Variants in FAM222B observed in about 807,000 individuals in gnomAD.
The protein encoded by FAM222B is protein FAM222B.
In FAM222B, 12 loss-of-function variants were observed where a neutral mutation model predicts 38.0. The ratio of observed to expected loss-of-function variants is 0.32; its 90% CI spans 0.20 to 0.51. FAM222B has a LOEUF of 0.51. Ranked by LOEUF, FAM222B falls within the 20% of genes least tolerant of loss-of-function variation. FAM222B has a pLI of 0.97. For missense variants in FAM222B, 716 were observed against 754.2 expected (o/e 0.95, Z 0.59); for synonymous variants, 329 against 317.2 (o/e 1.04, Z -0.40).
At chr17:28,783,531 T>A (rs924193691) in intron 1 of FAM222B, among the ~76,000 whole-genome samples, 17 of 147,894 alleles carry the variant, frequency 1.1e-4, no homozygotes, top group African/African-American at 3.7e-4. Flanking sequence ...TTTTTTTTTT[T>A]AAACAAAGTC....
intron 1 of FAM222B, among the ~76,000 whole-genome samples, chr17:28,840,209 A>C (rs1319539184): frequency 1.3e-5 from 2 of 151,952 alleles, no homozygotes; most frequent in Non-Finnish European, 2.9e-5. Flanking sequence ...TCTACTAAAA[A>C]TACAAAAACT....
At chr17:28,819,548 A>T (rs921292985) in intron 1 of FAM222B, among the ~76,000 whole-genome samples, 4 of 152,200 alleles carry the variant, frequency 2.6e-5, no homozygotes, top group African/African-American at 9.6e-5. Flanking sequence ...AATGATAAAG[A>T]TGTCAAGCAT....
upstream of FAM222B, among the ~76,000 whole-genome samples, chr17:28,846,625 T>C (rs1008100389): frequency 6.6e-6 from 1 of 151,432 alleles, no homozygotes; most frequent in Non-Finnish European, 1.5e-5. Context: ...GATTCAACCA[T>C]TGCACTCCAG....
chr17:28,808,818 G>C (rs1418204418), intron 1 of FAM222B, among the ~76,000 whole-genome samples: 1 of 152,158 alleles, frequency 6.6e-6, no homozygotes, highest in East Asian at 1.9e-4. Context: ...AGCATTCTCA[G>C]AGTCTCCTGT....
intron 1 of FAM222B, among the ~76,000 whole-genome samples, chr17:28,806,545 C>T (rs927041571): frequency 1.3e-5 from 2 of 152,096 alleles, no homozygotes; most frequent in African/African-American, 2.4e-5. Flanking sequence ...TGCTTGAGTC[C>T]GGGAGTTCAA....
chr17:28,804,304 C>T (rs995596147), intron 1 of FAM222B, among the ~76,000 whole-genome samples: 1 of 152,092 alleles, frequency 6.6e-6, no homozygotes, highest in African/African-American at 2.4e-5. Flanking sequence ...ATATATTTAC[C>T]CTACTGGTTG....
chr17:28,798,357 G>A (rs544471182), intron 1 of FAM222B, among the ~76,000 whole-genome samples: 5 of 152,072 alleles, frequency 3.3e-5, no homozygotes, highest in African/African-American at 9.6e-5. Context: ...ACTCCAGCCC[G>A]GGCAAACAGA....
At chr17:28,812,899 CTCTAG>C (rs1326591166) in intron 1 of FAM222B, among the ~76,000 whole-genome samples, 2 of 150,942 alleles carry the variant, frequency 1.3e-5, no homozygotes, top group African/African-American at 2.4e-5. Flanking sequence ...GCCTCTCTGC[CTCTAG>C]TCTAATCAAC....
chr17:28,828,095 ATTTTTTT>A (rs528492764), intron 1 of FAM222B, among the ~76,000 whole-genome samples: 109 of 74,682 alleles, frequency 1.5e-3, no homozygotes, highest in African/African-American at 6.3e-3. Flanking sequence ...ATCAAATCCA[ATTTTTTT>A]TTTTTTTTTT....
chr17:28,786,467 T>C (rs911464747), intron 1 of FAM222B, among the ~76,000 whole-genome samples: 1 of 152,178 alleles, frequency 6.6e-6, no homozygotes, highest in Non-Finnish European at 1.5e-5. Flanking sequence ...TAGTTACCTC[T>C]CATTCTCAAG....
At chr17:28,836,421 G>A (rs2038847936) in intron 1 of FAM222B, among the ~76,000 whole-genome samples, 1 of 152,000 alleles carries the variant, frequency 6.6e-6, no homozygotes, top group African/African-American at 2.4e-5. Flanking sequence ...AGGCGGGCTT[G>A]TAGCAGGACA....
Position 28,758,510 on chromosome 17 carries a change from T to C in FAM222B, c.1449A>G (p.Ala483=), listed in dbSNP as rs1597828512. ...CGGGAGCTGCCGCACAGTCGAGGGGTGCACCTGTGGGCTGCCCACCGTGGA... is the reference window on the plus strand; with the variant it reads ...CGGGAGCTGCCGCACAGTCGAGGGGCGCACCTGTGGGCTGCCCACCGTGGA... The part of the protein sequence containing the change: ...MPFHGGQPTG[A]PLDCAAAPGA... Residue 483 remains alanine (A), a synonymous_variant, in exon 3 of 3, where the codon GCA becomes GCG. Transcript: ENST00000581407. 1 of 1,611,902 alleles carries C rather than the reference T, an allele frequency of 6.2e-7. No individual in the cohort carries two copies. Among genetic ancestry groups the C allele is most frequent in the Non-Finnish European group, 8.5e-7 (1 of 1,179,820 alleles).
chr17:28,848,884 GC>G (rs2039162663), intron 1 of FAM222B: 1 of 152,250 alleles, frequency 6.6e-6, no homozygotes. Flanking sequence ...TCCCCTGGGA[GC>G]CAAGAGTCTA....
chr17:28,850,433 C>T (rs1489424546), intron 1 of FAM222B, among the ~76,000 whole-genome samples: 1 of 151,972 alleles, frequency 6.6e-6, no homozygotes, highest in African/African-American at 2.4e-5. Context: ...TCCCAAGTAG[C>T]TGGGACTACA....
chr17:28,832,626 T>C (rs933936751), intron 1 of FAM222B, among the ~76,000 whole-genome samples: 1 of 152,192 alleles, frequency 6.6e-6, no homozygotes, highest in African/African-American at 2.4e-5. Flanking sequence ...AAGACCTCTA[T>C]CATCACTCTT....
chr17:28,847,870 C>A (rs1294483058), intron 1 of FAM222B, among the ~76,000 whole-genome samples: 1 of 150,236 alleles, frequency 6.7e-6, no homozygotes, highest in Non-Finnish European at 1.5e-5. Context: ...GCCGAGATAG[C>A]GCCACTGTAC....
At chr17:28,826,595 C>T (rs1013775993) in intron 1 of FAM222B, among the ~76,000 whole-genome samples, 3 of 149,468 alleles carry the variant, frequency 2.0e-5, no homozygotes, top group South Asian at 2.1e-4. Flanking sequence ...ACAGGAGAAT[C>T]GCTTATACCT....
intron 1 of FAM222B, among the ~76,000 whole-genome samples, chr17:28,811,793 T>A (rs932486377): frequency 2.8e-4 from 42 of 152,154 alleles, no homozygotes; most frequent in African/African-American, 1.0e-3. Context: ...CTCCTCTCCT[T>A]TCAGATTGTT....
At chr17:28,844,872 G>A (rs781448633), upstream of FAM222B, among the ~76,000 whole-genome samples, 1 of 151,960 alleles carries the variant, frequency 6.6e-6, no homozygotes, top group East Asian at 1.9e-4. Context: ...AGGTTAAGGC[G>A]GGCGGATCAC....
Sources: gnomAD v4.1 joint callset for allele counts (sites outside exome capture counted in the v4.1 genomes callset) on GRCh38, gnomAD v4.1.1 for gene constraint, MANE v1.5 for transcripts, NCBI Gene and HGNC (gene_info 2026-07-23, HGNC 2026-07-21) for gene names.